The following CCDC60 variants were observed in gnomAD, a reference collection of about 807,000 sequenced individuals.
CCDC60 encodes coiled-coil domain-containing protein 60.
In CCDC60, 54 loss-of-function variants were observed where a neutral mutation model predicts 63.5. The ratio of observed to expected loss-of-function variants is 0.85; its 90% CI spans 0.68 to 1.07. The LOEUF is 1.07. Ranked by LOEUF, CCDC60 falls within the 50% of genes least tolerant of loss-of-function variation. The pLI, the probability that CCDC60 is intolerant of heterozygous loss-of-function variation, is 0.00. For synonymous variants in CCDC60, 206 were observed against 238.8 expected, an observed-to-expected ratio of 0.86 and a Z score of 1.27; for missense variants, 651 against 684.3, an observed-to-expected ratio of 0.95 and a Z score of 0.54.
intron 1 of CCDC60, among the ~76,000 whole-genome samples, chr12:119,372,665 G>A (rs1239790567): frequency 1.3e-5 from 2 of 152,112 alleles, no homozygotes; most frequent in Non-Finnish European, 2.9e-5. Context: ...GAGATATCTC[G>A]GTGCTTGAGT....
chr12:119,481,844 C>T (rs1429462797), intron 4 of CCDC60, among the ~76,000 whole-genome samples: 1 of 151,724 alleles, frequency 6.6e-6, no homozygotes, highest in South Asian at 2.1e-4. Context: ...TGAGTGAGAA[C>T]ACAGTATGTT....
intron 2 of CCDC60, among the ~76,000 whole-genome samples, chr12:119,463,689 GC>G (rs1229163613): frequency 3.3e-5 from 5 of 152,354 alleles, no homozygotes; most frequent in African/African-American, 1.2e-4. Flanking sequence ...TTATGTGAAT[GC>G]TTTGCAGCAT....
chr12:119,447,514 G>A (rs550884623), intron 2 of CCDC60, among the ~76,000 whole-genome samples: 5 of 152,194 alleles, frequency 3.3e-5, no homozygotes, highest in African/African-American at 1.2e-4. Context: ...GAAATTGTTG[G>A]TGTGCCCTGG....
rs558328747 is a variant in CCDC60 at position 119,538,312 on chromosome 12, A to G, written c.1552-2302A>G. The stretch of plus-strand genomic sequence containing the variant: ...GCAGAAGTGTCCTGATTTTCCAGGT[A>G]CAGTCTGTCCCGGCTTCCCTTGGCT... On this transcript the variant is annotated intron_variant, in intron 13 of 13. Coordinates refer to ENST00000327554, the MANE Select transcript of CCDC60 (RefSeq NM_178499.5). 9.2e-5 allele frequency among the ~76,000 whole-genome samples: 14 copies of G among 152,328 alleles called. No homozygotes were observed. In the South Asian group the frequency reaches 2.9e-3, roughly 32 times the overall value.
intron 3 of CCDC60, among the ~76,000 whole-genome samples, chr12:119,473,542 G>A (rs987483821): frequency 1.3e-5 from 2 of 151,982 alleles, no homozygotes; most frequent in Admixed American, 1.3e-4. Flanking sequence ...TGAGATTATG[G>A]TGCACCCATC....
At chr12:119,527,666 CTTTTTTTTTTTTT>C (rs869099213) in intron 11 of CCDC60, among the ~76,000 whole-genome samples, 2 of 84,974 alleles carry the variant, frequency 2.4e-5, no homozygotes, top group Non-Finnish European at 4.2e-5. Context: ...TTCTTTCTTT[CTTTTTTTTTTTTT>C]TTTTTTTTTT....
intron 2 of CCDC60, 32 bp from the exon 3 acceptor site, chr12:119,471,962 C>T (rs763187026): frequency 3.1e-6 from 5 of 1,596,710 alleles, no homozygotes; most frequent in African/African-American, 2.7e-5. Context: ...ACCTTCCTCC[C>T]TCTCTCCCTC....
intron 6 of CCDC60, among the ~76,000 whole-genome samples, chr12:119,504,387 TC>T (rs1221248811): frequency 1.2e-4 from 19 of 152,144 alleles, no homozygotes; most frequent in Admixed American, 6.5e-4. Context: ...CTTCTAAAAA[TC>T]CACAGGACTT....
At chr12:119,391,692 G>A (rs924006869) in intron 1 of CCDC60, among the ~76,000 whole-genome samples, 2 of 152,254 alleles carry the variant, frequency 1.3e-5, no homozygotes, top group Non-Finnish European at 2.9e-5. Context: ...TATCGTTAGC[G>A]CTGTTATTAC....
chr12:119,522,342 G>T (rs1053272296), intron 9 of CCDC60, among the ~76,000 whole-genome samples: 2 of 152,170 alleles, frequency 1.3e-5, no homozygotes, highest in African/African-American at 4.8e-5. Flanking sequence ...GTCACAGGAG[G>T]GGGTATCCAT....
chr12:119,531,681 G>C (rs1326545245), intron 13 of CCDC60, among the ~76,000 whole-genome samples: 2 of 152,192 alleles, frequency 1.3e-5, no homozygotes, highest in East Asian at 1.9e-4. Flanking sequence ...CTGGCACTCA[G>C]TGAGTATGGA....
At chr12:119,376,054 G>C (rs142110604) in intron 1 of CCDC60, among the ~76,000 whole-genome samples, 13 of 152,186 alleles carry the variant, frequency 8.5e-5, no homozygotes, top group Non-Finnish European at 1.9e-4. Context: ...TGTTGGAAGA[G>C]AGCCCACACA....
rs1187007255 is a variant in CCDC60, at chr12:119,428,712, G to C, written c.120G>C (p.Lys40Asn). 4 of 1,607,690 alleles carry C rather than the reference G, an allele frequency of 2.5e-6. No individual in the cohort carries two copies. Among genetic ancestry groups the C allele is most frequent in the South Asian group, 2.2e-5 (2 of 89,788 alleles). The change falls in exon 2 of 14, where the codon AAG (lysine) becomes AAC (asparagine). Residue 40 changes from lysine to asparagine, a missense_variant. Lys to Asn is a moderately conservative substitution (Grantham distance 94). Transcript: ENST00000327554. ...QVPDKPMKSIKYMDKEIINLK... is the reference protein window; with the variant it reads ...QVPDKPMKSINYMDKEIINLK... The stretch of plus-strand genomic sequence containing the variant: ...CAGACAAGCCAATGAAGAGCATCAA[G>C]TATATGGACAAGGAAATAATAAACC...
chr12:119,507,854 A>G (rs1284973786), intron 7 of CCDC60, among the ~76,000 whole-genome samples: 1 of 151,870 alleles, frequency 6.6e-6, no homozygotes, highest in Non-Finnish European at 1.5e-5. Context: ...CTTAAATTTT[A>G]GAAGAGACAA....
intron 1 of CCDC60, among the ~76,000 whole-genome samples, chr12:119,407,922 T>C (rs1446500871): frequency 2.0e-5 from 3 of 152,264 alleles, no homozygotes; most frequent in Non-Finnish European, 4.4e-5. Flanking sequence ...TGATCTTGTT[T>C]ACAACCAAGT....
intron 5 of CCDC60, among the ~76,000 whole-genome samples, chr12:119,497,834 G>A (rs986853557): frequency 2.0e-5 from 3 of 152,084 alleles, no homozygotes; most frequent in Non-Finnish European, 4.4e-5. Context: ...TTGTTTATAG[G>A]ACTGAAGGAT....
intron 8 of CCDC60, 32 bp from the exon 9 acceptor site, chr12:119,520,089 C>A (rs376471070): frequency 1.3e-6 from 2 of 1,593,002 alleles, no homozygotes; most frequent in East Asian, 2.2e-5. Flanking sequence ...ATGAATTCAG[C>A]GCCTTGTTAA....
chr12:119,349,367 A>G (rs2136151599), intron 1 of CCDC60, among the ~76,000 whole-genome samples: 1 of 125,876 alleles, frequency 7.9e-6, no homozygotes, highest in African/African-American at 3.1e-5. Flanking sequence ...TTCTTCTGAG[A>G]CAGAGTCTCT....
chr12:119,518,590 A>G (rs1400275164), intron 8 of CCDC60, among the ~76,000 whole-genome samples: 1 of 152,226 alleles, frequency 6.6e-6, no homozygotes, highest in Non-Finnish European at 1.5e-5. Flanking sequence ...AAATATTACT[A>G]ATGTTATGGA....
Sources: gnomAD v4.1 joint callset for allele counts (sites outside exome capture counted in the v4.1 genomes callset) on GRCh38, gnomAD v4.1.1 for gene constraint, MANE v1.5 for transcripts, NCBI Gene and HGNC (gene_info 2026-07-23, HGNC 2026-07-21) for gene names.